The following TET1 variants were observed in gnomAD, a reference collection of about 807,000 sequenced individuals.
TET1 encodes the protein tet methylcytosine dioxygenase 1, also known as methylcytosine dioxygenase TET1.
TET1 carries 13 observed loss-of-function variants against 148.7 expected under a neutral mutation model. The ratio of observed to expected loss-of-function variants is 0.09; its 90% CI spans 0.06 to 0.14. TET1 has a LOEUF of 0.14. TET1 is among the 10% of genes least tolerant of loss of function. The pLI is 1.00. For synonymous variants in TET1, 907 were observed against 937.2 expected (o/e 0.97, Z 0.59); for missense variants, 2,182 against 2,553.8 (o/e 0.85, Z 3.14).
chr10:68,684,552 G>A (rs937699349), intron 10 of TET1, among the ~76,000 whole-genome samples: 3 of 152,104 alleles, frequency 2.0e-5, no homozygotes, highest in African/African-American at 7.2e-5. Context: ...CAGAATATCT[G>A]TGATCAGGCT....
At chr10:68,564,242 G>A (rs557761200) in intron 1 of TET1, among the ~76,000 whole-genome samples, 2 of 151,458 alleles carry the variant, frequency 1.3e-5, no homozygotes, top group African/African-American at 2.4e-5. Flanking sequence ...TTCATCTCCT[G>A]GGTTCAAGTG....
chr10:68,565,483 T>G (rs368678138), intron 1 of TET1, among the ~76,000 whole-genome samples: 1 of 102,718 alleles, frequency 9.7e-6, no homozygotes, highest in African/African-American at 3.3e-5. Flanking sequence ...AAAATATATA[T>G]ATATATATAT....
At chr10:68,632,097 G>C (rs1475373694) in intron 3 of TET1, among the ~76,000 whole-genome samples, 1 of 151,994 alleles carries the variant, frequency 6.6e-6, no homozygotes, top group African/African-American at 2.4e-5. Context: ...GGCCTAGGCG[G>C]GTGGATCACG....
chr10:68,585,163 C>T (rs1200878004), intron 2 of TET1, among the ~76,000 whole-genome samples: 2 of 152,130 alleles, frequency 1.3e-5, no homozygotes, highest in East Asian at 3.9e-4. Flanking sequence ...CGCCACCACA[C>T]CAGGCTAATT....
intron 2 of TET1, among the ~76,000 whole-genome samples, chr10:68,581,975 T>A (rs2053803602): frequency 6.6e-6 from 1 of 152,226 alleles, no homozygotes. Context: ...ACAATTAGTT[T>A]GCAAGTTTAG....
At chr10:68,659,297 A>G (rs894266710) in intron 6 of TET1, among the ~76,000 whole-genome samples, 3 of 67,742 alleles carry the variant, frequency 4.4e-5, no homozygotes, top group African/African-American at 9.9e-5. Flanking sequence ...GTATTAGTCA[A>G]TAGAGCAGAT....
At chr10:68,586,485 G>GTTTTTTTT (rs11437924) in intron 2 of TET1, among the ~76,000 whole-genome samples, 1 of 133,496 alleles carries the variant, frequency 7.5e-6, no homozygotes, top group African/African-American at 2.8e-5. Flanking sequence ...GCCAGCTAAC[G>GTTTTTTTT]TTTTTTTTTT....
chr10:68,630,846 A>C lies in TET1; in HGVS notation c.1969-13852A>C, dbSNP rs143701971. 6.9e-3 allele frequency among the ~76,000 whole-genome samples: 1,045 copies of C among 152,272 alleles called. 13 individuals are homozygous for C. The highest frequency in any genetic ancestry group is 0.024 in the African/African-American group (980 of 41,550). ...AGTGAAATAAAGAGTGGAGAATTGA[A>C]GTGACGACGATCCTAAAGAAGTGAG... is the stretch of plus-strand genomic sequence containing the variant. On this transcript the variant is annotated intron_variant, in intron 3 of 11. Coordinates refer to ENST00000373644, the MANE Select transcript of TET1 (RefSeq NM_030625.3).
At chr10:68,596,009 C>CAT (rs2053982926) in intron 2 of TET1, among the ~76,000 whole-genome samples, 1 of 104,060 alleles carries the variant, frequency 9.6e-6, no homozygotes, top group African/African-American at 3.8e-5. Flanking sequence ...CACACACACA[C>CAT]ACACACACAC....
chr10:68,577,694 A>T (rs916848081), intron 2 of TET1, among the ~76,000 whole-genome samples: 3 of 152,116 alleles, frequency 2.0e-5, no homozygotes, highest in Non-Finnish European at 4.4e-5. Context: ...TGTTAATCCC[A>T]GCTACTCTGG....
intron 2 of TET1, among the ~76,000 whole-genome samples, chr10:68,592,556 T>G (rs1388530188): frequency 1.3e-5 from 2 of 152,134 alleles, no homozygotes; most frequent in Non-Finnish European, 2.9e-5. Context: ...GCATGCTCAG[T>G]AACCTTGCTA....
chr10:68,646,585 G>C lies in TET1; in HGVS notation c.3856G>C (p.Val1286Leu). ...CACTGATAAAGCTTATAATTCTCAG[G>C]TACAGTTAACGGTGAATGCCAATCA... is the stretch of plus-strand genomic sequence containing the variant. The part of the protein sequence containing the change: ...AFTDKAYNSQ[V>L]QLTVNANQKA... Residue 1286 changes from valine to leucine, a missense_variant, in exon 4 of 12, where the codon GTA becomes CTA. Transcript: ENST00000373644. 1 of 1,614,108 alleles carries C rather than the reference G, an allele frequency of 6.2e-7. No individual in the cohort carries two copies. The highest frequency in any genetic ancestry group is 2.2e-5 in the East Asian group (1 of 44,872).
intron 10 of TET1, among the ~76,000 whole-genome samples, chr10:68,683,619 A>G (rs1337222125): frequency 1.3e-5 from 2 of 152,014 alleles, no homozygotes; most frequent in East Asian, 1.9e-4. Context: ...TCACCGTGTT[A>G]GCCAGGATGG....
intron 2 of TET1, among the ~76,000 whole-genome samples, chr10:68,590,464 A>T (rs1217464322): frequency 6.6e-6 from 1 of 152,124 alleles, no homozygotes; most frequent in Non-Finnish European, 1.5e-5. Flanking sequence ...TATTGCATAT[A>T]ACTCTAATGT....
At chr10:68,616,169 A>T (rs1463935896) in intron 3 of TET1, among the ~76,000 whole-genome samples, 2 of 152,218 alleles carry the variant, frequency 1.3e-5, no homozygotes, top group Non-Finnish European at 2.9e-5. Context: ...ATTTCATCAG[A>T]TAATAATTTA....
intron 8 of TET1, among the ~76,000 whole-genome samples, chr10:68,680,488 G>T (rs569937971): frequency 6.6e-6 from 1 of 152,308 alleles, no homozygotes; most frequent in African/African-American, 2.4e-5. Flanking sequence ...GGGACTGCAA[G>T]TATACTCCGT....
rs1487403920 is a variant in TET1, at chr10:68,690,950, C to T, written c.5547C>T (p.Ser1849=). The T allele has an allele frequency of 1.2e-6, 2 of 1,614,220 alleles. No homozygotes were observed. Among genetic ancestry groups the T allele is most frequent in the Non-Finnish European group, 8.5e-7 (1 of 1,180,036 alleles). ...TGAAAGAGGCATCTCCAGGCTTCTCCTGGTCCCCGAAGACTGCTTCAGCCA... is the reference window on the plus strand; with the variant it reads ...TGAAAGAGGCATCTCCAGGCTTCTCTTGGTCCCCGAAGACTGCTTCAGCCA... ...HPVKEASPGF[S]WSPKTASATP... The change falls in exon 12 of 12, where the codon TCC becomes TCT. Residue 1849 remains serine (S), a synonymous_variant. Coordinates refer to ENST00000373644, the MANE Select transcript of TET1 (RefSeq NM_030625.3).
At position 68,645,773 on chromosome 10, in the gene TET1, T is replaced by C. The variant is rs1282487969; in HGVS notation, c.3044T>C (p.Ile1015Thr). Reference protein sequence around the residue: ...LFIPKSNSSKIDTNKSIAQGI... With the variant: ...LFIPKSNSSKTDTNKSIAQGI... Reference sequence around the variant, plus strand: ...ATACCAAAATCAAATTCATCCAAGATTGACACCAATAAAAGTATTGCTCAA... The same window carrying C: ...ATACCAAAATCAAATTCATCCAAGACTGACACCAATAAAAGTATTGCTCAA... Residue 1015 changes from isoleucine (I) to threonine (T), a missense_variant, in exon 4 of 12, where the codon ATT becomes ACT. Physicochemically the swap from Ile to Thr is moderately conservative, Grantham distance 89. Transcript: ENST00000373644. The C allele has an allele frequency of 5.0e-6, 8 of 1,614,034 alleles. No homozygotes were observed. Among genetic ancestry groups the C allele is most frequent in the African/African-American group, 1.3e-5 (1 of 74,906 alleles).
rs60094332 is a variant in TET1 at position 68,668,867 on chromosome 10, C to A, written c.4673+1611C>A. Among the ~76,000 whole-genome samples, 30 of 152,060 alleles carry A rather than the reference C, an allele frequency of 2.0e-4. No homozygotes were observed. In the East Asian group the frequency reaches 2.7e-3, roughly 14 times the overall value. ...GGAATGATGGCATATGCCTGTAGTC[C>A]TTAGGTAATTAGGAGGCTGAGGTGG... On this transcript the variant is annotated intron_variant, in intron 7 of 11. Transcript: ENST00000373644.
Sources: gnomAD v4.1 joint callset for allele counts (sites outside exome capture counted in the v4.1 genomes callset) on GRCh38, gnomAD v4.1.1 for gene constraint, MANE v1.5 for transcripts, NCBI Gene and HGNC (gene_info 2026-07-23, HGNC 2026-07-21) for gene names.